The following RBPMS variants were observed in gnomAD, a reference collection of about 807,000 sequenced individuals.
RBPMS encodes the protein RNA-binding protein with multiple splicing.
A neutral mutation model predicts 26.8 loss-of-function variants in RBPMS; 7 were observed. The ratio of observed to expected loss-of-function variants is 0.26; its 90% CI spans 0.15 to 0.49. The LOEUF is 0.49. RBPMS is among the 20% of genes least tolerant of loss of function. RBPMS has a pLI of 0.98. For missense variants in RBPMS, 186 were observed against 250.0 expected, an observed-to-expected ratio of 0.74 and a Z score of 1.73; for synonymous variants, 96 against 93.3, an observed-to-expected ratio of 1.03 and a Z score of -0.17.
At chr8:30,560,072 A>C (rs1827319119) in intron 7 of RBPMS, among the ~76,000 whole-genome samples, 1 of 152,230 alleles carries the variant, frequency 6.6e-6, no homozygotes, top group Non-Finnish European at 1.5e-5. Context: ...CACAAGAAAA[A>C]GACACTAGAG....
At chr8:30,558,770 AGT>A (rs1197228300) in intron 6 of RBPMS, 115 bp from the exon 7 acceptor site, 3 of 836,954 alleles carry the variant, frequency 3.6e-6, no homozygotes, top group Non-Finnish European at 6.1e-6. Context: ...CTCACAGGCT[AGT>A]GTGAGTGGGT....
intron 1 of RBPMS, among the ~76,000 whole-genome samples, chr8:30,410,774 C>T (rs1476571964): frequency 7.2e-6 from 1 of 139,122 alleles, no homozygotes; most frequent in Non-Finnish European, 1.5e-5. Flanking sequence ...CTCACTGTGT[C>T]AGCCATGCTG....
At chr8:30,558,709 C>A (rs555190549) in intron 6 of RBPMS, 178 bp from the exon 7 acceptor site, 1 of 669,340 alleles carries the variant, frequency 1.5e-6, no homozygotes. Context: ...GTGTGTGGAA[C>A]GCCTCTCAGG....
At chr8:30,508,596 A>G (rs1159302402) in intron 5 of RBPMS, among the ~76,000 whole-genome samples, 1 of 151,806 alleles carries the variant, frequency 6.6e-6, no homozygotes, top group Non-Finnish European at 1.5e-5. Context: ...TATACTCAGC[A>G]TCTCACATCT....
chr8:30,445,009 T>C (rs1375024813), intron 1 of RBPMS: 3 of 152,194 alleles, frequency 2.0e-5, no homozygotes, highest in Admixed American at 6.5e-5. Flanking sequence ...TCTAAGATTT[T>C]TTTTTTTCTT....
chr8:30,511,486 A>AAAAAAATATATATAT (rs1821657057), intron 5 of RBPMS, among the ~76,000 whole-genome samples: 1 of 23,546 alleles, frequency 4.2e-5, no homozygotes, highest in African/African-American at 1.6e-4. Flanking sequence ...AAAAAAAAAA[A>AAAAAAATATATATAT]ATATATATAT....
chr8:30,474,051 A>T (rs1188043493), intron 1 of RBPMS, among the ~76,000 whole-genome samples: 1 of 152,090 alleles, frequency 6.6e-6, no homozygotes, highest in Admixed American at 6.6e-5. Flanking sequence ...TACCTTTGTA[A>T]CCTGTACATC....
intron 1 of RBPMS, among the ~76,000 whole-genome samples, chr8:30,408,773 G>A (rs1808944195): frequency 6.6e-6 from 1 of 152,202 alleles, no homozygotes; most frequent in Admixed American, 6.5e-5. Context: ...ATTCAGAGCT[G>A]TGGAACTATC....
At chr8:30,490,701 G>A (rs113779365) in intron 4 of RBPMS, among the ~76,000 whole-genome samples, 4,490 of 152,216 alleles carry the variant, frequency 0.029, 213 homozygotes, top group African/African-American at 0.1. Flanking sequence ...CCTGGACCTC[G>A]TGATGCGCCC....
chr8:30,540,067 T>C (rs1005361846), intron 5 of RBPMS, among the ~76,000 whole-genome samples: 3 of 152,120 alleles, frequency 2.0e-5, no homozygotes, highest in Non-Finnish European at 2.9e-5. Flanking sequence ...AAAGCAGTCT[T>C]CTAGACTAGC....
At chr8:30,423,282 CTTT>C (rs1811002674) in intron 1 of RBPMS, among the ~76,000 whole-genome samples, 1 of 152,222 alleles carries the variant, frequency 6.6e-6, no homozygotes, top group Non-Finnish European at 1.5e-5. Flanking sequence ...GTCCCTATCT[CTTT>C]GTTCATGTGT....
Position 30,470,842 on chromosome 8 carries a change from C to G in RBPMS, c.67-3937C>G, listed in dbSNP as rs1292294274. 2.0e-5 allele frequency among the ~76,000 whole-genome samples: 3 copies of G among 152,144 alleles called. No individual in the cohort carries two copies. In the East Asian group the frequency reaches 5.8e-4, roughly 29 times the overall value. On this transcript the variant is annotated intron_variant, in intron 1 of 8. Coordinates refer to ENST00000397323, the MANE Select transcript of RBPMS (RefSeq NM_001008710.3). ...GTGGCAAACTTAGGCCTGACGGGAG[C>G]TCAGATTTTCTTTTTCCCCATGTAT...
chr8:30,450,552 A>G (rs1432414404), intron 1 of RBPMS, among the ~76,000 whole-genome samples: 1 of 152,058 alleles, frequency 6.6e-6, no homozygotes, highest in Non-Finnish European at 1.5e-5. Context: ...GCAAATGGCA[A>G]CCTTGGTAGT....
At chr8:30,546,839 T>C (rs556125226) in intron 6 of RBPMS, among the ~76,000 whole-genome samples, 6 of 152,308 alleles carry the variant, frequency 3.9e-5, no homozygotes, top group South Asian at 4.1e-4. Context: ...ATTTTACAGA[T>C]GAGGAAACAG....
rs554222925 is a variant in RBPMS, at chr8:30,443,798, C to T, written c.67-30981C>T. ...TTTTAGTAGAGACAGGATTTCACCG[C>T]GTTGGCCGGGATGGTCTCCATCTCT... On this transcript the variant is annotated intron_variant, in intron 1 of 8. Coordinates refer to ENST00000397323, the MANE Select transcript of RBPMS (RefSeq NM_001008710.3). 5.3e-5 allele frequency among the ~76,000 whole-genome samples: 8 copies of T among 152,010 alleles called. No homozygotes were observed. In the East Asian group the frequency reaches 7.7e-4, roughly 15 times the overall value.
At chr8:30,516,417 G>T (rs1822315034) in intron 5 of RBPMS, among the ~76,000 whole-genome samples, 1 of 152,132 alleles carries the variant, frequency 6.6e-6, no homozygotes, top group South Asian at 2.1e-4. Context: ...GCAAGCTTTT[G>T]TGTCAGCCTC....
chr8:30,486,364 T>TA (rs140824181), intron 4 of RBPMS, among the ~76,000 whole-genome samples: 38,127 of 140,162 alleles, frequency 0.27, 5,094 homozygotes, highest in East Asian at 0.44. Context: ...ATAAATAACA[T>TA]AAAAAAAAAA....
intron 7 of RBPMS, 61 bp from the exon 8 acceptor site, chr8:30,566,196 C>A: frequency 1.1e-6 from 1 of 942,012 alleles, no homozygotes; most frequent in Non-Finnish European, 1.3e-6. Context: ...TCTTCAAGAC[C>A]GAGGCAGCCC....
chr8:30,459,560 A>T (rs547476486), intron 1 of RBPMS, among the ~76,000 whole-genome samples: 13 of 152,302 alleles, frequency 8.5e-5, no homozygotes, highest in African/African-American at 2.9e-4. Flanking sequence ...GGTGACCTCT[A>T]TGCTTTTAAC....
Sources: allele counts gnomAD v4.1 joint callset (sites outside exome capture counted in the v4.1 genomes callset), GRCh38; gene constraint gnomAD v4.1.1; transcripts MANE v1.5; gene names NCBI Gene and HGNC (gene_info 2026-07-23, HGNC 2026-07-21).